The following ALPK1 variants were observed in gnomAD, a reference collection of about 807,000 sequenced individuals.
The protein encoded by ALPK1 is alpha kinase 1.
Under a neutral mutation model 120.6 loss-of-function variants are expected in ALPK1, and 110 were observed. That is an observed-to-expected ratio of 0.91 (90% CI 0.78 to 1.07). The LOEUF is 1.07. Among genes scored for constraint, ALPK1 ranks in the 50% least tolerant of loss-of-function variants. The pLI is 0.00. For synonymous variants in ALPK1, 582 were observed against 560.3 expected (o/e 1.04, Z -0.55); for missense variants, 1,498 against 1,483.9 (o/e 1.01, Z -0.16).
intron 2 of ALPK1, among the ~76,000 whole-genome samples, chr4:112,369,586 G>A (rs1340627098): frequency 6.6e-6 from 1 of 152,162 alleles, no homozygotes. Context: ...AGAGGCTGAG[G>A]CACAAGAATC....
intron 1 of ALPK1, among the ~76,000 whole-genome samples, chr4:112,309,933 C>G (rs1019259420): frequency 6.6e-6 from 1 of 151,938 alleles, no homozygotes; most frequent in Non-Finnish European, 1.5e-5. Context: ...TTCTTAGGAC[C>G]CAGAGATTTT....
At chr4:112,366,314 A>C (rs981163332) in intron 2 of ALPK1, among the ~76,000 whole-genome samples, 1 of 152,172 alleles carries the variant, frequency 6.6e-6, no homozygotes, top group African/African-American at 2.4e-5. Context: ...ACAAGGGACT[A>C]ATTTCCAGAA....
chr4:112,323,579 C>T (rs1166902926), intron 2 of ALPK1, among the ~76,000 whole-genome samples: 2 of 152,066 alleles, frequency 1.3e-5, no homozygotes, highest in Admixed American at 6.5e-5. Flanking sequence ...ACAGGCTATA[C>T]GTTTTGGACA....
intron 4 of ALPK1, among the ~76,000 whole-genome samples, chr4:112,406,153 G>A (rs1488022661): frequency 2.6e-5 from 4 of 151,784 alleles, no homozygotes; most frequent in Admixed American, 1.3e-4. Context: ...AGTAAAGCAG[G>A]GTGTCAAAGA....
chr4:112,418,821 C>T (rs144228831), intron 5 of ALPK1, among the ~76,000 whole-genome samples: 1,642 of 152,140 alleles, frequency 0.011, 18 homozygotes, highest in Middle Eastern at 0.048. Context: ...CCAGCAAAAC[C>T]AATGATGAAA....
At chr4:112,359,607 C>A (rs1010464833) in intron 2 of ALPK1, 1 of 245,306 alleles carries the variant, frequency 4.1e-6, no homozygotes, top group Non-Finnish European at 8.3e-6. Flanking sequence ...GTGCAAGAAG[C>A]CTGGGAAGAC....
At chr4:112,306,359 G>A (rs1483580571) in intron 1 of ALPK1, among the ~76,000 whole-genome samples, 1 of 151,988 alleles carries the variant, frequency 6.6e-6, no homozygotes, top group Non-Finnish European at 1.5e-5. Context: ...GTAGAATTCC[G>A]CTGTGAATCT....
chr4:112,330,099 G>C (rs1437094137), intron 2 of ALPK1, among the ~76,000 whole-genome samples: 2 of 152,164 alleles, frequency 1.3e-5, no homozygotes, highest in Admixed American at 1.3e-4. Flanking sequence ...GAGCAGCTTG[G>C]GTCCTGGAAA....
chr4:112,311,657 C>T (rs913326176), intron 1 of ALPK1, among the ~76,000 whole-genome samples: 1 of 152,236 alleles, frequency 6.6e-6, no homozygotes, highest in Non-Finnish European at 1.5e-5. Context: ...CTGACTTTCA[C>T]AGCCAGCTCC....
chr4:112,426,238 A>G, intron 7 of ALPK1: 1 of 301,410 alleles, frequency 3.3e-6, no homozygotes, highest in Non-Finnish European at 6.0e-6. Context: ...TATTACACAT[A>G]TTATATATAC....
chr4:112,358,022 G>A, intron 2 of ALPK1: 1 of 624,214 alleles, frequency 1.6e-6, no homozygotes, highest in Admixed American at 2.1e-5. Context: ...GGACTTCTCA[G>A]ACACTAATGG....
chr4:112,377,347 G>A (rs938670825), intron 2 of ALPK1, among the ~76,000 whole-genome samples: 2 of 152,196 alleles, frequency 1.3e-5, no homozygotes, highest in Non-Finnish European at 2.9e-5. Context: ...AGAGTGTGGT[G>A]CCACTGAGCT....
intron 2 of ALPK1, among the ~76,000 whole-genome samples, chr4:112,371,263 A>G (rs1731391353): frequency 6.6e-6 from 1 of 152,172 alleles, no homozygotes; most frequent in Non-Finnish European, 1.5e-5. Context: ...TACGCACTAC[A>G]GCTAAAACAG....
chr4:112,417,353 A>G (rs1454015573), intron 5 of ALPK1, among the ~76,000 whole-genome samples: 5 of 152,242 alleles, frequency 3.3e-5, no homozygotes, highest in African/African-American at 1.2e-4. Context: ...ATTATATGGC[A>G]ATATCACTTA....
At chr4:112,303,754 T>C (rs1390659409) in intron 1 of ALPK1, among the ~76,000 whole-genome samples, 1 of 151,896 alleles carries the variant, frequency 6.6e-6, no homozygotes, top group East Asian at 1.9e-4. Context: ...CTAGGGTACA[T>C]GTGCACAACA....
chr4:112,314,321 G>T (rs1018460267), intron 1 of ALPK1, among the ~76,000 whole-genome samples: 1 of 152,188 alleles, frequency 6.6e-6, no homozygotes, highest in Non-Finnish European at 1.5e-5. Flanking sequence ...TACAGTAAGG[G>T]TTCAGGAGTA....
intron 1 of ALPK1, among the ~76,000 whole-genome samples, chr4:112,302,953 G>C: frequency 6.6e-6 from 1 of 152,184 alleles, no homozygotes; most frequent in East Asian, 1.9e-4. Flanking sequence ...CAAACACAAA[G>C]GCTGCTTTTT....
intron 2 of ALPK1, among the ~76,000 whole-genome samples, chr4:112,371,380 G>A (rs1160972647): frequency 1.3e-5 from 2 of 152,138 alleles, no homozygotes; most frequent in Non-Finnish European, 2.9e-5. Context: ...ACATAGGCCT[G>A]CACAGCCCGT....
chr4:112,356,075 C>T, intron 2 of ALPK1: 1 of 994,636 alleles, frequency 1.0e-6, no homozygotes, highest in Non-Finnish European at 1.6e-6. Context: ...GTTTTTTTCT[C>T]ACAGACCCGA....
Sources: allele counts gnomAD v4.1 joint callset (sites outside exome capture counted in the v4.1 genomes callset), GRCh38; gene constraint gnomAD v4.1.1; transcripts MANE v1.5; gene names NCBI Gene and HGNC (gene_info 2026-07-23, HGNC 2026-07-21).